Variants in NCAPG observed in about 807,000 individuals in gnomAD.
NCAPG encodes the protein condensin complex subunit 3.
In NCAPG, 69 loss-of-function variants were observed where a neutral mutation model predicts 113.1. The observed-to-expected ratio is 0.61, with a 90% CI of 0.50 to 0.75. The LOEUF (loss-of-function observed/expected upper bound fraction) is 0.75. NCAPG is among the 30% of genes least tolerant of loss of function. The pLI, the probability that NCAPG is intolerant of heterozygous loss-of-function variation, is 0.00. For synonymous variants in NCAPG, 370 were observed against 415.8 expected (o/e 0.89, Z 1.34); for missense variants, 1,058 against 1,177.0 (o/e 0.90, Z 1.48).
intron 6 of NCAPG, among the ~76,000 whole-genome samples, chr4:17,817,737 C>T (rs931631278): frequency 2.0e-5 from 3 of 152,164 alleles, no homozygotes; most frequent in African/African-American, 7.2e-5. Context: ...CAGCAACATG[C>T]ACCCCTAGTA....
intron 9 of NCAPG, 52 bp from the exon 10 acceptor site, chr4:17,824,916 C>T: frequency 3.9e-6 from 5 of 1,293,596 alleles, no homozygotes; most frequent in Middle Eastern, 3.8e-4. Context: ...AATTTTGATA[C>T]TATTTGCTGA....
rs557878531 is a variant in NCAPG at position 17,842,661 on chromosome 4, G to A, written c.2924+282G>A. ...TGATGTGACTCCTCTTTGATCTTCA[G>A]TTAGCAAACTCTTGATTTTGATAAT... On this transcript the variant is annotated intron_variant, in intron 20 of 20. Coordinates refer to ENST00000251496, the MANE Select transcript of NCAPG (RefSeq NM_022346.5). 4.4e-4 allele frequency: 130 copies of A among 293,850 alleles called. 3 individuals are homozygous for A. The highest frequency in any genetic ancestry group is 4.4e-3 in the South Asian group (93 of 21,296). The allele number at this position is 293,850 out of a possible 1,614,324, so 18.2% of individuals were successfully genotyped here. A position where few individuals can be genotyped will look rare whatever the true frequency, so the allele number is the denominator to read the frequency against.
chr4:17,816,001 T>C (rs2109044439), intron 5 of NCAPG, among the ~76,000 whole-genome samples: 1 of 152,210 alleles, frequency 6.6e-6, no homozygotes, highest in East Asian at 1.9e-4. Context: ...TATACTTTGG[T>C]ATGAATGTGT....
intron 6 of NCAPG, among the ~76,000 whole-genome samples, 174 bp from the exon 7 acceptor site, chr4:17,817,765 T>C (rs1293944415): frequency 2.0e-5 from 3 of 152,202 alleles, no homozygotes; most frequent in African/African-American, 7.2e-5. Flanking sequence ...GCTTATTTGG[T>C]TCTTTTTTGT....
In NCAPG at chr4:17,837,173, G is replaced by C. The variant is rs1481317674; in HGVS notation, c.2124G>C (p.Arg708Ser). 6.2e-7 allele frequency: 1 copy of C among 1,613,396 alleles called. No individual in the cohort carries two copies. The highest frequency in any genetic ancestry group is 1.3e-5 in the African/African-American group (1 of 74,880). Residue 708 changes from arginine to serine, a missense_variant, in exon 15 of 21, where the codon AGG becomes AGC. Physicochemically the swap from Arg to Ser is moderately radical, Grantham distance 110 (BLOSUM62 -1). Transcript: ENST00000251496. ...ATCTTTGTTAGGTATCTGAACTTAG[G>C]ACTGGAGCTGCAGAAGGACTAGCCA... ...DFLDSEVSELRTGAAEGLAKL... is the reference protein window; with the variant it reads ...DFLDSEVSELSTGAAEGLAKL...
chr4:17,814,886 C>T lies in NCAPG; in HGVS notation c.578C>T (p.Pro193Leu), dbSNP rs749709036. 2 of 1,613,994 alleles carry T rather than the reference C, an allele frequency of 1.2e-6. No homozygotes were observed. Among genetic ancestry groups the T allele is most frequent in the Non-Finnish European group, 8.5e-7 (1 of 1,179,966 alleles). Residue 193 changes from proline (P) to leucine (L), a missense_variant, in exon 4 of 21, where the codon CCA (proline) becomes CTA (leucine). By Grantham distance (98) the Pro-to-Leu change is moderately conservative. Transcript: ENST00000251496. ...ACTTTGATTGAAAATGATTCAAATC[C>T]AGAAGTTAGACGGGCAGTGTTATCA... The part of the protein sequence containing the change: ...YATLIENDSN[P>L]EVRRAVLSCI...
At chr4:17,818,585 A>T (rs981615636) in intron 7 of NCAPG, among the ~76,000 whole-genome samples, 3 of 152,220 alleles carry the variant, frequency 2.0e-5, no homozygotes, top group Non-Finnish European at 4.4e-5. Context: ...AAGAAATTTT[A>T]AAAAATGATC....
At chr4:17,830,278 A>G (rs1721808280) in intron 12 of NCAPG, among the ~76,000 whole-genome samples, 1 of 152,008 alleles carries the variant, frequency 6.6e-6, no homozygotes, top group Non-Finnish European at 1.5e-5. Context: ...CTGTGCTGTC[A>G]GCTACTTGGG....
In NCAPG at chr4:17,837,211, C is replaced by G; in HGVS notation, c.2162C>G (p.Ser721Cys). 6.2e-7 allele frequency: 1 copy of G among 1,613,990 alleles called. No homozygotes were observed. The highest frequency in any genetic ancestry group is 8.5e-7 in the Non-Finnish European group (1 of 1,179,934). ...GAAGGACTAGCCAAGCTGATGTTCT[C>G]TGGGCTTTTGGTCAGCAGCAGGATT... Reference protein sequence around the residue: ...AAEGLAKLMFSGLLVSSRILS... With the variant: ...AAEGLAKLMFCGLLVSSRILS... Residue 721 changes from serine to cysteine, a missense_variant, in exon 15 of 21, where the codon TCT becomes TGT. Coordinates refer to ENST00000251496, the MANE Select transcript of NCAPG (RefSeq NM_022346.5).
chr4:17,833,034 G>A (rs1721923646), intron 13 of NCAPG, among the ~76,000 whole-genome samples: 1 of 151,996 alleles, frequency 6.6e-6, no homozygotes, highest in Non-Finnish European at 1.5e-5. Flanking sequence ...TGTTCTAAAA[G>A]CCAAGTTATA....
At chr4:17,825,194 TA>T in intron 10 of NCAPG, 137 bp downstream of exon 10, 2 of 809,782 alleles carry the variant, frequency 2.5e-6, no homozygotes, top group Non-Finnish European at 3.9e-6. Flanking sequence ...TAAGAATATT[TA>T]AAATGTTACC....
At chr4:17,816,004 G>C (rs1470285077) in intron 5 of NCAPG, among the ~76,000 whole-genome samples, 1 of 151,586 alleles carries the variant, frequency 6.6e-6, no homozygotes, top group Non-Finnish European at 1.5e-5. Context: ...ACTTTGGTAT[G>C]AATGTGTTCT....
At chr4:17,841,304 C>G (rs1173513811) in intron 19 of NCAPG, 3 of 151,926 alleles carry the variant, frequency 2.0e-5, no homozygotes, top group Admixed American at 2.0e-4. Context: ...CACTAATAAT[C>G]CCACCCATGA....
chr4:17,821,454 C>T (rs939627880), intron 7 of NCAPG, among the ~76,000 whole-genome samples: 2 of 137,506 alleles, frequency 1.5e-5, no homozygotes, highest in Admixed American at 8.2e-5. Flanking sequence ...TTGTCACCCC[C>T]GCCTTTTTTT....
Position 17,831,019 on chromosome 4 carries a change from T to C in NCAPG, c.1787T>C (p.Ile596Thr), listed in dbSNP as rs1375447490. 1 of 1,612,890 alleles carries C rather than the reference T, an allele frequency of 6.2e-7. No individual in the cohort carries two copies. The change falls in exon 13 of 21, where the codon ATT becomes ACT. Residue 596 changes from isoleucine (I) to threonine (T), a missense_variant. By Grantham distance (89) the Ile-to-Thr change is moderately conservative. Coordinates refer to ENST00000251496, the MANE Select transcript of NCAPG (RefSeq NM_022346.5). Reference sequence around the variant, plus strand: ...TAGATTCTTCCTGGAATAATAAGTATTCATCCTGTTGTAAGAAACCTGGCT... The same window carrying C: ...TAGATTCTTCCTGGAATAATAAGTACTCATCCTGTTGTAAGAAACCTGGCT... ...ESLILPGIIS[I>T]HPVVRNLAVL... is the part of the protein sequence containing the mutation.
rs2109039656 is a variant in NCAPG at position 17,811,615 on chromosome 4, G to A, written c.111+427G>A. Among the ~76,000 whole-genome samples, 1 of 152,332 alleles carries A rather than the reference G, an allele frequency of 6.6e-6. No individual in the cohort carries two copies. The highest frequency in any genetic ancestry group is 2.1e-4 in the South Asian group (1 of 4,832). On this transcript the variant is annotated intron_variant, in intron 1 of 20. Transcript: ENST00000251496. The surrounding 1 kb of genome is among the most constrained non-coding windows in gnomAD (Gnocchi z 5.3). ...CATCGCTCCCCGCCGAACATCAAAT[G>A]ATTCTACCCTTGTCCTACGGTTACG...
intron 3 of NCAPG, among the ~76,000 whole-genome samples, chr4:17,814,335 G>C (rs1332507648): frequency 6.6e-6 from 1 of 152,152 alleles, no homozygotes; most frequent in Non-Finnish European, 1.5e-5. Flanking sequence ...CTGCGCAGCA[G>C]TGACTCAGGC....
At chr4:17,841,595 T>C (rs1722409314) in intron 19 of NCAPG, 1 of 151,910 alleles carries the variant, frequency 6.6e-6, no homozygotes. Context: ...TTGGTTTTGA[T>C]CAGATTTTTT....
intron 19 of NCAPG, 59 bp from the exon 20 acceptor site, chr4:17,842,251 G>A: frequency 6.9e-7 from 1 of 1,456,526 alleles, no homozygotes; most frequent in Non-Finnish European, 9.6e-7. Flanking sequence ...CTAGAAACTA[G>A]ATTAAAAACA....
Sources: allele counts gnomAD v4.1 joint callset (sites outside exome capture counted in the v4.1 genomes callset), GRCh38; gene constraint gnomAD v4.1.1; non-coding constraint Gnocchi (gnomAD v3.1); transcripts MANE v1.5; gene names NCBI Gene and HGNC (gene_info 2026-07-23, HGNC 2026-07-21).